ME3: variants seen among roughly 807,000 people sequenced by gnomAD.
ME3 encodes malic enzyme 3.
Under a neutral mutation model 68.9 loss-of-function variants are expected in ME3, and 48 were observed. That is an observed-to-expected ratio of 0.70 (90% CI 0.55 to 0.89). The LOEUF (loss-of-function observed/expected upper bound fraction) is 0.89, where lower values mean the gene tolerates loss of function less well. ME3 is among the 40% of genes least tolerant of loss of function. ME3 has a pLI of 0.00. For missense variants in ME3, 675 were observed against 797.4 expected (o/e 0.85, Z 1.85); for synonymous variants, 320 against 318.8 (o/e 1.00, Z -0.04).
At chr11:86,657,436 A>T (rs1156827090) in intron 2 of ME3, among the ~76,000 whole-genome samples, 1 of 114,512 alleles carries the variant, frequency 8.7e-6, no homozygotes, top group Non-Finnish European at 1.6e-5. Context: ...CATGGACACA[A>T]GGAGGGGAAC....
intron 5 of ME3, among the ~76,000 whole-genome samples, chr11:86,502,629 T>C (rs920787008): frequency 6.6e-6 from 1 of 152,214 alleles, no homozygotes; most frequent in Non-Finnish European, 1.5e-5. Flanking sequence ...CTGCAAATTG[T>C]CAAAAGGCTG....
chr11:86,527,547 A>G (rs375910379), intron 4 of ME3, among the ~76,000 whole-genome samples: 1 of 152,216 alleles, frequency 6.6e-6, no homozygotes, highest in South Asian at 2.1e-4. Flanking sequence ...TCCAAGACAC[A>G]TAATTGTCAG....
chr11:86,446,343 G>C, exon 13 of ME3: 1 of 1,614,154 alleles, frequency 6.2e-7, no homozygotes, highest in Non-Finnish European at 8.5e-7. Context: ...ATCTCATCTG[G>C]GATGTGCCGG....
intron 2 of ME3, among the ~76,000 whole-genome samples, chr11:86,597,755 C>G (rs1389549151): frequency 6.6e-6 from 1 of 152,118 alleles, no homozygotes; most frequent in Admixed American, 6.5e-5. Context: ...CTCAGGAGAT[C>G]CTCACAACAT....
At chr11:86,497,463 CCT>C (rs1409473312) in intron 6 of ME3, among the ~76,000 whole-genome samples, 2 of 152,158 alleles carry the variant, frequency 1.3e-5, no homozygotes, top group African/African-American at 4.8e-5. Flanking sequence ...TGCCAGGACT[CCT>C]GCAGCTGGAT....
At chr11:86,644,841 G>C (rs1389741659) in intron 2 of ME3, among the ~76,000 whole-genome samples, 3 of 152,296 alleles carry the variant, frequency 2.0e-5, no homozygotes, top group East Asian at 3.9e-4. Flanking sequence ...GGTGATTTCT[G>C]CATTTCCAGC....
chr11:86,501,967 T>C (rs546375561), intron 5 of ME3, among the ~76,000 whole-genome samples: 1 of 152,318 alleles, frequency 6.6e-6, no homozygotes, highest in East Asian at 1.9e-4. Flanking sequence ...ATATATCACT[T>C]TCTTGCCCCC....
intron 8 of ME3, among the ~76,000 whole-genome samples, chr11:86,451,510 T>C (rs1158218925): frequency 6.6e-6 from 1 of 152,226 alleles, no homozygotes; most frequent in Non-Finnish European, 1.5e-5. Flanking sequence ...AGGCTATGCA[T>C]GGGCTTCCTC....
At chr11:86,663,508 C>T (rs1166916630) in intron 2 of ME3, among the ~76,000 whole-genome samples, 3 of 152,172 alleles carry the variant, frequency 2.0e-5, no homozygotes, top group East Asian at 1.9e-4. Flanking sequence ...GAGAGGCAGT[C>T]GGATACCACC....
At chr11:86,654,279 C>A (rs1220321751) in intron 2 of ME3, among the ~76,000 whole-genome samples, 1 of 152,144 alleles carries the variant, frequency 6.6e-6, no homozygotes, top group Admixed American at 6.5e-5. Context: ...CAAAGCCAGG[C>A]AGAGACACAA....
At chr11:86,479,305 C>A (rs536259857) in intron 7 of ME3, among the ~76,000 whole-genome samples, 1 of 152,304 alleles carries the variant, frequency 6.6e-6, no homozygotes, top group African/African-American at 2.4e-5. Flanking sequence ...CCTGGTTCTC[C>A]AGCTTGCAGA....
At chr11:86,553,887 G>A (rs945593744) in intron 4 of ME3, among the ~76,000 whole-genome samples, 5 of 152,186 alleles carry the variant, frequency 3.3e-5, no homozygotes, top group African/African-American at 1.2e-4. Flanking sequence ...ACTGTAAGAG[G>A]CAGTGTAGTG....
intron 2 of ME3, among the ~76,000 whole-genome samples, chr11:86,633,234 A>C (rs1352246134): frequency 6.6e-6 from 1 of 152,256 alleles, no homozygotes; most frequent in East Asian, 1.9e-4. Context: ...GGACATAAGC[A>C]CAGTGACAGA....
chr11:86,525,472 T>G (rs1434192005), intron 4 of ME3, among the ~76,000 whole-genome samples: 1 of 151,282 alleles, frequency 6.6e-6, no homozygotes, highest in Non-Finnish European at 1.5e-5. Context: ...TGTAAATGAA[T>G]TAATTCTCCT....
rs138152292 is a variant in ME3 at position 86,572,235 on chromosome 11, T to G, written c.184-12412A>C. ...AGTCTGCAACCTGGTGTATGAAGGC[T>G]CTTACTTGCGGGCAGCCCTGGACAA... On this transcript the variant is annotated intron_variant, in intron 2 of 14. Coordinates refer to ENST00000543262, the Ensembl canonical transcript of ME3. 5.4e-4 allele frequency among the ~76,000 whole-genome samples: 82 copies of G among 152,062 alleles called. 1 individual carries two copies. In the East Asian group the frequency reaches 0.014, roughly 26 times the overall value.
chr11:86,549,410 G>A (rs559485157), intron 4 of ME3, among the ~76,000 whole-genome samples: 2 of 152,190 alleles, frequency 1.3e-5, no homozygotes, highest in Non-Finnish European at 2.9e-5. Context: ...GCTGGCATTT[G>A]CCATTGGCCT....
chr11:86,485,229 C>G (rs1951617891), intron 7 of ME3, among the ~76,000 whole-genome samples: 1 of 152,194 alleles, frequency 6.6e-6, no homozygotes, highest in South Asian at 2.1e-4. Flanking sequence ...TCTGGAGGTA[C>G]TAGCACGTCC....
chr11:86,540,686 A>G, intron 4 of ME3, among the ~76,000 whole-genome samples: 1 of 152,246 alleles, frequency 6.6e-6, no homozygotes, highest in East Asian at 1.9e-4. Flanking sequence ...ACAATGGATT[A>G]ACACAAGGAC....
intron 4 of ME3, among the ~76,000 whole-genome samples, chr11:86,539,695 C>T (rs550812199): frequency 7.9e-5 from 12 of 152,266 alleles, no homozygotes; most frequent in African/African-American, 1.9e-4. Context: ...TTTCAGGAGA[C>T]GAGATCATAT....
Sources: allele counts gnomAD v4.1 joint callset (sites outside exome capture counted in the v4.1 genomes callset), GRCh38; gene constraint gnomAD v4.1.1; transcripts MANE v1.5; gene names NCBI Gene and HGNC (gene_info 2026-07-23, HGNC 2026-07-21).